Variants in TRANK1 observed in about 807,000 individuals in gnomAD.
The protein encoded by TRANK1 is TPR and ankyrin repeat-containing protein 1.
In TRANK1, 198 loss-of-function variants were observed where a neutral mutation model predicts 266.0. The observed-to-expected ratio is 0.74, with a 90% CI of 0.66 to 0.84. The LOEUF (loss-of-function observed/expected upper bound fraction) is 0.84, where lower values mean the gene tolerates loss of function less well. TRANK1 is among the 40% of genes least tolerant of loss of function. The pLI, the probability that TRANK1 is intolerant of heterozygous loss-of-function variation, is 0.00. For missense variants in TRANK1, 3,326 were observed against 3,634.6 expected (o/e 0.92, Z 2.18); for synonymous variants, 1,396 against 1,384.1 (o/e 1.01, Z -0.19).
chr3:36,856,330 T>C lies in TRANK1; in HGVS notation c.3392A>G (p.Glu1131Gly). Residue 1131 changes from glutamate to glycine, a missense_variant, in exon 13 of 24, where the codon GAG (glutamate) becomes GGG (glycine). Transcript: ENST00000645898. ...CTCGTCCTCTTCCTCCTCCTCTTCC[T>C]CCCCACCTGGACTCTCTTTTCCGGG... ...VEPGKESPGGEEEEEEEDEEE... is the reference protein window; with the variant it reads ...VEPGKESPGGGEEEEEEDEEE... 6.4e-7 allele frequency: 1 copy of C among 1,573,300 alleles called. No individual in the cohort carries two copies. The highest frequency in any genetic ancestry group is 1.9e-5 in the Admixed American group (1 of 52,368).
chr3:36,843,616 T>C (rs1283683324), intron 17 of TRANK1, among the ~76,000 whole-genome samples: 2 of 130,192 alleles, frequency 1.5e-5, no homozygotes, highest in Non-Finnish European at 1.6e-5. Context: ...AGAGTATCAC[T>C]AGACAATGGG....
chr3:36,831,866 C>T lies in TRANK1; in HGVS notation c.7717G>A (p.Ala2573Thr). ...LVLCLVMLVNAEEILQPYCKP... is the reference protein window; with the variant it reads ...LVLCLVMLVNTEEILQPYCKP... ...CAGTATGGCTGCAGGATCTCCTCAGCATTCACTAGCATCACCAAGCACAGC... is the reference window on the plus strand; with the variant it reads ...CAGTATGGCTGCAGGATCTCCTCAGTATTCACTAGCATCACCAAGCACAGC... The change falls in exon 22 of 24, where the codon GCT (alanine) becomes ACT (threonine). Residue 2573 changes from alanine to threonine, a missense_variant. By Grantham distance (58) the Ala-to-Thr change is moderately conservative. Coordinates refer to ENST00000645898, the MANE Select transcript of TRANK1 (RefSeq NM_001329998.2). This position sits in a 1 kb window ranked among gnomAD's most constrained non-coding sequence, Gnocchi z 5.0. 1 of 1,614,042 alleles carries T rather than the reference C, an allele frequency of 6.2e-7. No homozygotes were observed. The highest frequency in any genetic ancestry group is 8.5e-7 in the Non-Finnish European group (1 of 1,179,906).
chr3:36,903,067 TTCTC>T (rs1215125488), intron 3 of TRANK1, 78 bp downstream of exon 3: 2 of 1,452,610 alleles, frequency 1.4e-6, no homozygotes, highest in Non-Finnish European at 1.8e-6. Flanking sequence ...GCCCCACACT[TTCTC>T]TCATCCTTTC....
intron 1 of TRANK1, among the ~76,000 whole-genome samples, chr3:36,922,882 T>C (rs975103688): frequency 2.6e-5 from 4 of 152,202 alleles, no homozygotes; most frequent in Non-Finnish European, 5.9e-5. Context: ...CTATCTTATC[T>C]GTGGAGTCCT....
chr3:36,827,987 C>T lies in TRANK1; in HGVS notation c.*288G>A. On this transcript the variant is annotated 3_prime_UTR_variant, in exon 24 of 24. Transcript: ENST00000645898. ...TGAGCCAGACACCCCAGGGACCATG[C>T]AGTGAGGAGTCCCAACATTCCCTTC... The T allele has an allele frequency of 2.8e-6, 1 of 358,144 alleles. No homozygotes were observed. Among genetic ancestry groups the T allele is most frequent in the East Asian group, 6.1e-5 (1 of 16,510 alleles). 22.2% of individuals were successfully genotyped at this position (358,144 alleles called of 1,614,324 possible).
chr3:36,893,084 A>G (rs1306590632), intron 5 of TRANK1, 100 bp from the exon 6 acceptor site: 2 of 467,348 alleles, frequency 4.3e-6, no homozygotes, highest in African/African-American at 4.1e-5. Flanking sequence ...CAAATAAAAA[A>G]AAACCACTCT....
At position 36,842,603 on chromosome 3, in the gene TRANK1, T is replaced by A. The variant is rs751497481; in HGVS notation, c.5280+19A>T. On this transcript the variant is annotated intron_variant, in intron 18 of 23. Coordinates refer to ENST00000645898, the MANE Select transcript of TRANK1 (RefSeq NM_001329998.2). ...CGAGGGCACCAGTGACAAGGACCCC[T>A]CCTAGTCCAACCCCTTACCTTCCAG... 1.9e-6 allele frequency: 3 copies of A among 1,611,838 alleles called. No individual in the cohort carries two copies. Among genetic ancestry groups the A allele is most frequent in the South Asian group, 1.1e-5 (1 of 90,688 alleles).
chr3:36,833,309 G>C lies in TRANK1; in HGVS notation c.6274C>G (p.Leu2092Val), dbSNP rs2078722785. 1 of 1,613,850 alleles carries C rather than the reference G, an allele frequency of 6.2e-7. No homozygotes were observed. ...GLAPGGLEILLSLVRALKRVT... is the reference protein window; with the variant it reads ...GLAPGGLEILVSLVRALKRVT... The stretch of plus-strand genomic sequence containing the variant: ...CTTTTGAGAGCCCTGACCAGACTGA[G>C]GAGGATTTCCAAGCCCCCTGGAGCC... The change falls in exon 22 of 24, where the codon CTC becomes GTC. Residue 2092 changes from leucine (L) to valine (V), a missense_variant. By Grantham distance (32) the Leu-to-Val change is conservative (BLOSUM62 1). Coordinates refer to ENST00000645898, the MANE Select transcript of TRANK1 (RefSeq NM_001329998.2).
rs1030914747 is a variant in TRANK1 at position 36,832,025 on chromosome 3, G to A, written c.7558C>T (p.Gln2520Ter). The A allele has an allele frequency of 3.7e-6, 6 of 1,613,936 alleles. No homozygotes were observed. Among genetic ancestry groups the A allele is most frequent in the Non-Finnish European group, 5.1e-6 (6 of 1,179,916 alleles). ...YKPKDVTRAI[Q>*]DFRFHLSYLA... ...TAGGAGAGATGGAACCGGAAATCCT[G>A]AATGGCTCTTGTCACGTCCTTGGGT... Residue 2520 changes from glutamine to a stop codon, truncating the protein, a stop_gained, in exon 22 of 24, where the codon CAG (glutamine) becomes TAG (stop). Coordinates refer to ENST00000645898, the MANE Select transcript of TRANK1 (RefSeq NM_001329998.2). LOFTEE classifies it high-confidence loss of function.
intron 8 of TRANK1, among the ~76,000 whole-genome samples, chr3:36,885,854 CA>C (rs2079595324): frequency 6.6e-6 from 1 of 152,136 alleles, no homozygotes; most frequent in African/African-American, 2.4e-5. Context: ...TTTGATTATA[CA>C]GCATGCTAAC....
intron 21 of TRANK1, 131 bp from the exon 22 acceptor site, chr3:36,834,050 G>T: frequency 1.1e-6 from 1 of 883,954 alleles, no homozygotes; most frequent in Non-Finnish European, 1.6e-6. Context: ...ACCTAAACTT[G>T]TCAAGCATTC....
chr3:36,854,199 A>G (rs750691258), intron 13 of TRANK1, among the ~76,000 whole-genome samples: 16 of 152,080 alleles, frequency 1.1e-4, no homozygotes, highest in Non-Finnish European at 2.1e-4. Context: ...CATCTCTACT[A>G]AAAATACAAA....
At chr3:36,918,623 G>GA (rs1390426771) in intron 1 of TRANK1, among the ~76,000 whole-genome samples, 7 of 144,098 alleles carry the variant, frequency 4.9e-5, no homozygotes, top group Non-Finnish European at 9.1e-5. Flanking sequence ...AAGAAAGAAA[G>GA]AAAGAAAGAA....
chr3:36,866,089 AAAGAAAGAAAGAAAG>A, intron 9 of TRANK1, among the ~76,000 whole-genome samples: 1 of 151,752 alleles, frequency 6.6e-6, no homozygotes, highest in Admixed American at 6.6e-5. Flanking sequence ...AGAAAGAAAG[AAAGAAAGAAAGAAAG>A]AAAGAAAGAA....
chr3:36,879,794 A>ATAAATATAATATACAAATATATG (rs1575249280), intron 8 of TRANK1, among the ~76,000 whole-genome samples: 1,951 of 46,954 alleles, frequency 0.042, 589 homozygotes, highest in African/African-American at 0.097. Context: ...ATGTAAATAT[A>ATAAATATAATATACAAATATATG]TAAATATACA....
chr3:36,861,251 A>G (rs2079138372), intron 10 of TRANK1, 91 bp from the exon 11 acceptor site: 1 of 1,391,344 alleles, frequency 7.2e-7, no homozygotes, highest in Admixed American at 2.4e-5. Flanking sequence ...TATATAATTA[A>G]CACGGATTAT....
At chr3:36,893,185 G>A (rs1449715420) in intron 5 of TRANK1, among the ~76,000 whole-genome samples, 2 of 151,940 alleles carry the variant, frequency 1.3e-5, no homozygotes, top group South Asian at 2.1e-4. Context: ...TCCTGTTCCT[G>A]CTGAGGACTA....
chr3:36,940,207 C>T (rs2080477858), intron 1 of TRANK1, among the ~76,000 whole-genome samples: 1 of 151,530 alleles, frequency 6.6e-6, no homozygotes, highest in Admixed American at 6.6e-5. Flanking sequence ...TAGTAAGAAG[C>T]TGCTCCTTGG....
chr3:36,940,469 C>T (rs2080482429), intron 1 of TRANK1, among the ~76,000 whole-genome samples: 1 of 150,054 alleles, frequency 6.7e-6, no homozygotes, highest in Non-Finnish European at 1.5e-5. Flanking sequence ...CACTGCACTC[C>T]AGCCTGGGCG....
Sources: gnomAD v4.1 joint callset for allele counts (sites outside exome capture counted in the v4.1 genomes callset) on GRCh38, gnomAD v4.1.1 for gene constraint, Gnocchi (gnomAD v3.1) non-coding constraint, MANE v1.5 for transcripts, NCBI Gene and HGNC (gene_info 2026-07-23, HGNC 2026-07-21) for gene names.